The following COX7B variants were observed in gnomAD, a reference collection of about 807,000 sequenced individuals.
The protein encoded by COX7B is cytochrome c oxidase subunit 7B.
Under a neutral mutation model 7.9 loss-of-function variants are expected in COX7B, and 2 were observed. The ratio of observed to expected loss-of-function variants is 0.25; its 90% CI spans 0.10 to 0.79. The LOEUF is 0.79. Among genes scored for constraint, COX7B ranks in the 30% least tolerant of loss-of-function variants. The probability of loss-of-function intolerance (pLI) is 0.69; values close to 1 mark genes in which losing one functional copy is unlikely to be tolerated. For synonymous variants in COX7B, 19 were observed against 21.1 expected, an observed-to-expected ratio of 0.90 and a Z score of 0.27; for missense variants, 54 against 62.7, an observed-to-expected ratio of 0.86 and a Z score of 0.47.
Position 77,905,439 on chromosome X carries a change from A to C in COX7B, c.*178A>C. The C allele has an allele frequency of 4.9e-6, 1 of 203,006 alleles. No homozygotes were observed. Among genetic ancestry groups the C allele is most frequent in the Admixed American group, 7.5e-5 (1 of 13,306 alleles). 16.7% of individuals were successfully genotyped at this position (203,006 alleles called of 1,213,427 possible). ...ACTAAGCTTGATCACTTTAGCCTTT[A>C]TGTTAATATTAAAGTCAAATGCTGT... On this transcript the variant is annotated 3_prime_UTR_variant, in exon 3 of 3. Transcript: ENST00000650309.
chrX:77,899,628 C>T, intron 1 of COX7B, 35 bp downstream of exon 1: 3 of 1,187,630 alleles, frequency 2.5e-6, no homozygotes, highest in Non-Finnish European at 3.4e-6. Context: ...TTTACAACAA[C>T]CTTATATCAA....
At chrX:77,901,449 G>GA (rs1187913202) in intron 1 of COX7B, among the ~76,000 whole-genome samples, 41 of 100,208 alleles carry the variant, frequency 4.1e-4, no homozygotes, top group Admixed American at 6.5e-4. Context: ...TGGACAGGAA[G>GA]AAAAAAAAAA....
chrX:77,902,818 T>C (rs1557220756), intron 2 of COX7B, 51 bp downstream of exon 2: 6 of 1,128,847 alleles, frequency 5.3e-6, no homozygotes, highest in Non-Finnish European at 6.0e-6. Context: ...TCATTCTCAG[T>C]CTATGCATTC....
chrX:77,904,013 A>G lies in COX7B; in HGVS notation c.166-1171A>G, dbSNP rs1290943773. On this transcript the variant is annotated intron_variant, in intron 2 of 2. Transcript: ENST00000650309. ...AGTGGCGCGATCTCTGCTCACTGCAAACTCCGCCTCCCGGGTTCACGCCAT... is the reference window on the plus strand; with the variant it reads ...AGTGGCGCGATCTCTGCTCACTGCAGACTCCGCCTCCCGGGTTCACGCCAT... Among the ~76,000 whole-genome samples the G allele has an allele frequency of 1.2e-4, 13 of 104,023 alleles. No individual in the cohort carries two copies. The Middle Eastern group carries it at 0.019, about 155-fold the overall frequency. The allele number at this position is 104,023 out of a possible 115,157, so 90.3% of individuals were successfully genotyped here.
chrX:77,902,978 G>A (rs1272124143), intron 2 of COX7B: 1 of 306,622 alleles, frequency 3.3e-6, no homozygotes, highest in Non-Finnish European at 5.6e-6. Flanking sequence ...ATTGCTTACT[G>A]GATCACAAGG....
intron 1 of COX7B, 25 bp from the exon 2 acceptor site, chrX:77,902,618 T>A: frequency 8.3e-7 from 1 of 1,206,768 alleles, no homozygotes; most frequent in Non-Finnish European, 1.1e-6. Context: ...TATGCTTCTG[T>A]ATTCTTTTTT....
chrX:77,903,946 T>TC (rs1818954634), intron 2 of COX7B, among the ~76,000 whole-genome samples: 1 of 103,795 alleles, frequency 9.6e-6, no homozygotes, highest in East Asian at 3.0e-4. Flanking sequence ...GTTTTTTTTT[T>TC]TTTTGAGATG....
In COX7B at chrX:77,905,973, CAG is replaced by C. The variant is rs2077134182; in HGVS notation, c.*713_*714del. 3.6e-5 allele frequency: 4 copies of C among 111,564 alleles called. No individual in the cohort carries two copies. The highest frequency in any genetic ancestry group is 3.8e-4 in the South Asian group (1 of 2,658). The allele number at this position is 111,564 out of a possible 1,213,427, so 9.2% of individuals were successfully genotyped here. On this transcript the variant is annotated 3_prime_UTR_variant, in exon 3 of 3. Transcript: ENST00000650309. ...GCAATTTTTGTATTTTTAGTAGAGA[CAG>C]GGTTTCACCATATTGGTCAGGCTGG...
intron 1 of COX7B, among the ~76,000 whole-genome samples, chrX:77,901,061 C>A: frequency 9.0e-6 from 1 of 110,518 alleles, no homozygotes. Context: ...CACTTTTTAT[C>A]TTTTCTGGAG....
At chrX:77,903,217 C>T (rs1399157432) in intron 2 of COX7B, 5 of 77,168 alleles carry the variant, frequency 6.5e-5, no homozygotes, top group East Asian at 8.1e-4. Context: ...TTTTTTGAGA[C>T]GGAGTCTTGC....
At chrX:77,903,478 G>A (rs951860897) in intron 2 of COX7B, among the ~76,000 whole-genome samples, 17 of 110,697 alleles carry the variant, frequency 1.5e-4, no homozygotes, top group African/African-American at 4.9e-4. Context: ...ACAGGTGTGA[G>A]CCACTGTGCC....
Position 77,905,693 on chromosome X carries a change from G to A in COX7B, c.*432G>A, listed in dbSNP as rs1293140646. ...TTTTGAGACGGAGTCTCACTCTGTT[G>A]CCCAGGCTGGAATGCAATGGCGTGA... is the stretch of plus-strand genomic sequence containing the variant. On this transcript the variant is annotated 3_prime_UTR_variant, in exon 3 of 3. Coordinates refer to ENST00000650309, the MANE Select transcript of COX7B (RefSeq NM_001866.3). 9.2e-6 allele frequency: 1 copy of A among 108,401 alleles called. No homozygotes were observed. Among genetic ancestry groups the A allele is most frequent in the Non-Finnish European group, 1.9e-5 (1 of 53,422 alleles). The allele number at this position is 108,401 out of a possible 1,213,427, so 8.9% of individuals were successfully genotyped here. A position where few individuals can be genotyped will look rare whatever the true frequency, so the allele number is the denominator to read the frequency against.
chrX:77,905,078 G>C, intron 2 of COX7B, 106 bp from the exon 3 acceptor site: 1 of 658,026 alleles, frequency 1.5e-6, no homozygotes, highest in Non-Finnish European at 2.4e-6. Flanking sequence ...GAGTTTCTGT[G>C]TATTTTTAAC....
intron 1 of COX7B, among the ~76,000 whole-genome samples, chrX:77,902,409 AT>A (rs2077122725): frequency 8.9e-6 from 1 of 112,094 alleles, no homozygotes; most frequent in Non-Finnish European, 1.9e-5. Context: ...TACAGTTAAC[AT>A]TTTGCTATTT....
intron 1 of COX7B, among the ~76,000 whole-genome samples, chrX:77,900,773 A>G (rs1341212951): frequency 1.8e-5 from 2 of 112,477 alleles, no homozygotes; most frequent in African/African-American, 6.5e-5. Context: ...GCCTCTCTCA[A>G]CCTCAGTTTC....
At chrX:77,902,935 T>A in intron 2 of COX7B, 168 bp downstream of exon 2, 1 of 392,291 alleles carries the variant, frequency 2.5e-6, no homozygotes, top group Non-Finnish European at 4.2e-6. Flanking sequence ...CCAGCATTCA[T>A]CCATCTTCTG....
Position 77,905,263 on chromosome X carries a change from C to T in COX7B, c.*2C>T. 1 of 1,192,019 alleles carries T rather than the reference C, an allele frequency of 8.4e-7. No individual in the cohort carries two copies. On this transcript the variant is annotated 3_prime_UTR_variant, in exon 3 of 3. Coordinates refer to ENST00000650309, the MANE Select transcript of COX7B (RefSeq NM_001866.3). ...CCAAAGGAATGGAGGAATCAGTAAT[C>T]ATCCCAGCTGGTGTAATAATGAATT...
intron 2 of COX7B, 157 bp downstream of exon 2, chrX:77,902,924 C>T (rs2077124645): frequency 2.3e-6 from 1 of 427,101 alleles, no homozygotes; most frequent in African/African-American, 2.5e-5. Context: ...ATTTTTTCCC[C>T]CCAGCATTCA....
intron 1 of COX7B, chrX:77,901,759 CT>C (rs2077120821): frequency 9.1e-6 from 1 of 110,082 alleles, no homozygotes; most frequent in East Asian, 2.9e-4. Flanking sequence ...GAGAATTGCT[CT>C]GTTACCCAGG....
Sources: allele counts gnomAD v4.1 joint callset (sites outside exome capture counted in the v4.1 genomes callset), GRCh38; gene constraint gnomAD v4.1.1; transcripts MANE v1.5; gene names NCBI Gene and HGNC (gene_info 2026-07-23, HGNC 2026-07-21).